Variants in PHRF1 observed in about 807,000 individuals in gnomAD.
PHRF1 encodes PHD and RING finger domain-containing protein 1.
Under a neutral mutation model 128.9 loss-of-function variants are expected in PHRF1, and 53 were observed. The observed-to-expected ratio is 0.41, with a 90% CI of 0.33 to 0.52. PHRF1 has a LOEUF of 0.52. Among genes scored for constraint, PHRF1 ranks in the 20% least tolerant of loss-of-function variants. The pLI, the probability that PHRF1 is intolerant of heterozygous loss-of-function variation, is 0.21. For missense variants in PHRF1, 2,503 were observed against 2,284.5 expected (o/e 1.10, Z -1.95); for synonymous variants, 1,178 against 980.6 (o/e 1.20, Z -3.76).
intron 1 of PHRF1, among the ~76,000 whole-genome samples, chr11:577,043 G>C (rs1420329491): frequency 6.6e-6 from 1 of 152,236 alleles, no homozygotes; most frequent in Non-Finnish European, 1.5e-5. Context: ...GTTTGGGAGA[G>C]AGCTGTGACT....
intron 6 of PHRF1, among the ~76,000 whole-genome samples, chr11:596,470 A>T (rs573312781): frequency 6.6e-6 from 1 of 152,206 alleles, no homozygotes; most frequent in Non-Finnish European, 1.5e-5. Flanking sequence ...CACCTACCGC[A>T]GGAGCTCAGT....
At chr11:578,726 T>C (rs1854033905) in intron 1 of PHRF1, among the ~76,000 whole-genome samples, 1 of 152,176 alleles carries the variant, frequency 6.6e-6, no homozygotes, top group Admixed American at 6.5e-5. Context: ...CCACCACACC[T>C]ACCTGGTTTT....
intron 1 of PHRF1, 81 bp from the exon 2 acceptor site, chr11:581,411 G>A (rs1401544855): frequency 8.4e-7 from 1 of 1,193,516 alleles, no homozygotes; most frequent in African/African-American, 1.5e-5. Flanking sequence ...GATGTGGCCT[G>A]TGGGGAGAGG....
rs1260102577 is a variant in PHRF1 at position 587,332 on chromosome 11, T to C, written c.288T>C (p.Ala96=). 6.2e-7 allele frequency: 1 copy of C among 1,613,688 alleles called. No individual in the cohort carries two copies. The highest frequency in any genetic ancestry group is 2.2e-5 in the East Asian group (1 of 44,902). Residue 96 remains alanine (A), a synonymous_variant, in exon 4 of 18, where the codon GCT becomes GCC. Coordinates refer to ENST00000264555, the MANE Select transcript of PHRF1 (RefSeq NM_001286581.2). Reference sequence around the variant, plus strand: ...GTACTCAGGGGAAACTGGAAGCCGCTGGCTCTTTCAATTCTGATGATGATG... The same window carrying C: ...GTACTCAGGGGAAACTGGAAGCCGCCGGCTCTTTCAATTCTGATGATGATG... ...VAGTQGKLEA[A]GSFNSDDDAE... is the part of the protein sequence containing the mutation.
intron 6 of PHRF1, among the ~76,000 whole-genome samples, chr11:595,909 C>T (rs1412645057): frequency 3.3e-5 from 5 of 152,242 alleles, no homozygotes; most frequent in Non-Finnish European, 7.3e-5. Context: ...CTCTGCTGGC[C>T]TGGCAGGGCG....
In PHRF1 at chr11:605,157, G is replaced by A. The variant is rs371897803; in HGVS notation, c.1191G>A (p.Leu397=). ...ATTRSRIART[L]GLRRPVHSSC... ...CTCGCTCTCGAATCGCGCGGACGCT[G>A]GGCCTGCGCAGGCCTGTTCACAGCA... The change falls in exon 11 of 18, where the codon CTG becomes CTA. Residue 397 remains leucine, a synonymous_variant. Coordinates refer to ENST00000264555, the MANE Select transcript of PHRF1 (RefSeq NM_001286581.2). 6 of 1,613,062 alleles carry A rather than the reference G, an allele frequency of 3.7e-6. No homozygotes were observed. The highest frequency in any genetic ancestry group is 5.1e-6 in the Non-Finnish European group (6 of 1,179,398).
At chr11:594,412 A>C (rs1855164473) in intron 6 of PHRF1, among the ~76,000 whole-genome samples, 1 of 152,086 alleles carries the variant, frequency 6.6e-6, no homozygotes, top group Non-Finnish European at 1.5e-5. Flanking sequence ...GTTAGCTTTT[A>C]TTTTACTCAT....
rs1856216711 is a variant in PHRF1 at position 609,531 on chromosome 11, A to G, written c.4075A>G (p.Ser1359Gly). The G allele has an allele frequency of 6.2e-7, 1 of 1,601,154 alleles. No homozygotes were observed. The highest frequency in any genetic ancestry group is 1.3e-5 in the African/African-American group (1 of 74,866). ...PDAAEKAEAP[S>G]SPDVAPAGKE... ...CGCGGCTGAGAAGGCTGAGGCACCC[A>G]GTTCCCCGGATGTGGCGCCTGCGGG... is the stretch of plus-strand genomic sequence containing the variant. The change falls in exon 14 of 18, where the codon AGT (serine) becomes GGT (glycine). Residue 1359 changes from serine to glycine, a missense_variant. Ser to Gly is a moderately conservative substitution (Grantham distance 56). Transcript: ENST00000264555.
chr11:580,405 G>C (rs1297512981), intron 1 of PHRF1, among the ~76,000 whole-genome samples: 3 of 152,190 alleles, frequency 2.0e-5, no homozygotes, highest in Non-Finnish European at 4.4e-5. Flanking sequence ...CGGCTGACGG[G>C]TCAGGGCCTT....
chr11:611,562 C>G lies in PHRF1; in HGVS notation c.4807-72C>G, dbSNP rs1589913237. ...GAGCAGGGCAGGCGAGGGAGCCCAGCTTTGGCCCTGGGCTCTGGCCCGGAA... is the reference window on the plus strand; with the variant it reads ...GAGCAGGGCAGGCGAGGGAGCCCAGGTTTGGCCCTGGGCTCTGGCCCGGAA... On this transcript the variant is annotated intron_variant, in intron 17 of 17. Transcript: ENST00000264555. The G allele has an allele frequency of 9.4e-6, 15 of 1,599,308 alleles. No individual in the cohort carries two copies. The East Asian group carries it at 3.4e-4, about 36-fold the overall frequency.
rs1212904400 is a variant in PHRF1, at chr11:585,680, C to CTTTTTT, written c.215-1566_215-1561dup. On this transcript the variant is annotated intron_variant, in intron 3 of 17. Coordinates refer to ENST00000264555, the MANE Select transcript of PHRF1 (RefSeq NM_001286581.2). ...AGCTTGAGGTAGTAGCTCTTCAACTCTTTTTTTTTTTTTTTTTTGAGGTCG... is the reference window on the plus strand; with the variant it reads ...AGCTTGAGGTAGTAGCTCTTCAACTCTTTTTTTTTTTTTTTTTTTTTTTTGAGGTCG... 7.1e-5 allele frequency among the ~76,000 whole-genome samples: 5 copies of CTTTTTT among 70,354 alleles called. 2 individuals are homozygous for CTTTTTT. Among genetic ancestry groups the CTTTTTT allele is most frequent in the African/African-American group, 3.7e-4 (5 of 13,520 alleles). 46.2% of individuals were successfully genotyped at this position (70,354 alleles called of 152,430 possible).
At position 607,528 on chromosome 11, in the gene PHRF1, G is replaced by A; in HGVS notation, c.2072G>A (p.Gly691Asp). Residue 691 changes from glycine to aspartate, a missense_variant, in exon 14 of 18, where the codon GGT (glycine) becomes GAT (aspartate). Transcript: ENST00000264555. ...CCAAAGATCAGGAGAGATGACGGTG[G>A]TGGCAGACGGGATGCGGCCCCGGCC... ...RIPKIRRDDG[G>D]GRRDAAPAHG... is the part of the protein sequence containing the mutation. The A allele has an allele frequency of 6.2e-7, 1 of 1,612,756 alleles. No homozygotes were observed. Among genetic ancestry groups the A allele is most frequent in the Non-Finnish European group, 8.5e-7 (1 of 1,179,892 alleles).
At chr11:610,901 C>A in intron 16 of PHRF1, 53 bp from the exon 17 acceptor site, 1 of 1,602,348 alleles carries the variant, frequency 6.2e-7, no homozygotes. Flanking sequence ...TGCCTCTGGC[C>A]AGAGGGACTC....
rs747843358 is a variant in PHRF1, at chr11:591,456, A to C, written c.493A>C (p.Ile165Leu). 6.2e-7 allele frequency: 1 copy of C among 1,608,576 alleles called. No individual in the cohort carries two copies. Among genetic ancestry groups the C allele is most frequent in the Non-Finnish European group, 8.5e-7 (1 of 1,177,700 alleles). ...ICIRAQFGGK[I>L]LRKIPVENTK... Reference sequence around the variant, plus strand: ...TATTCGAGCTCAATTTGGTGGTAAAATCTTAAGAAAGGTGAGTGTGGACGC... The same window carrying C: ...TATTCGAGCTCAATTTGGTGGTAAACTCTTAAGAAAGGTGAGTGTGGACGC... The change falls in exon 5 of 18, where the codon ATC becomes CTC. Residue 165 changes from isoleucine (I) to leucine (L), a missense_variant. Transcript: ENST00000264555.
In PHRF1 at chr11:610,483, C is replaced by T; in HGVS notation, c.4417-18C>T. ...GCTAGCTGTAGGGCCCAGTGCTCAG[C>T]AGGGGTGTCCCTCCCAGGTTTACAG... On this transcript the variant is annotated intron_variant, in intron 15 of 17. Coordinates refer to ENST00000264555, the MANE Select transcript of PHRF1 (RefSeq NM_001286581.2). 4 of 1,597,662 alleles carry T rather than the reference C, an allele frequency of 2.5e-6. No individual in the cohort carries two copies. The highest frequency in any genetic ancestry group is 2.2e-5 in the South Asian group (2 of 89,944).
chr11:593,863 G>A (rs1408177833), intron 6 of PHRF1, among the ~76,000 whole-genome samples: 1 of 152,172 alleles, frequency 6.6e-6, no homozygotes, highest in African/African-American at 2.4e-5. Flanking sequence ...TTTCTCACGA[G>A]TCTGAGCCTA....
rs570590316 is a variant in PHRF1 at position 584,037 on chromosome 11, C to T, written c.214+1956C>T. Among the ~76,000 whole-genome samples, 77 of 152,364 alleles carry T rather than the reference C, an allele frequency of 5.1e-4. 3 individuals are homozygous for T. Among genetic ancestry groups the T allele is most frequent in the South Asian group, 4.3e-3 (21 of 4,834 alleles). On this transcript the variant is annotated intron_variant, in intron 3 of 17. Coordinates refer to ENST00000264555, the MANE Select transcript of PHRF1 (RefSeq NM_001286581.2). ...TGTGGTTATCAGGGTTAGAATGTTCCAGAAAGGTAACACTCCTGTTTGAGA... is the reference window on the plus strand; with the variant it reads ...TGTGGTTATCAGGGTTAGAATGTTCTAGAAAGGTAACACTCCTGTTTGAGA...
chr11:606,247 T>TC (rs1323902916), intron 12 of PHRF1, among the ~76,000 whole-genome samples, 195 bp from the exon 13 acceptor site: 1 of 125,776 alleles, frequency 8.0e-6, no homozygotes, highest in Admixed American at 7.5e-5. Flanking sequence ...GAGGTGGGGC[T>TC]CCCTCCCTCC....
intron 4 of PHRF1, among the ~76,000 whole-genome samples, chr11:587,840 A>G (rs1185762789): frequency 2.6e-5 from 4 of 152,174 alleles, no homozygotes; most frequent in African/African-American, 9.7e-5. Flanking sequence ...TGATACAGAA[A>G]ACACCGGTAC....
Sources: allele counts gnomAD v4.1 joint callset (sites outside exome capture counted in the v4.1 genomes callset), GRCh38; gene constraint gnomAD v4.1.1; transcripts MANE v1.5; gene names NCBI Gene and HGNC (gene_info 2026-07-23, HGNC 2026-07-21).